FSTL4: variants seen among roughly 807,000 people sequenced by gnomAD.
FSTL4 encodes follistatin-related protein 4.
In FSTL4, 28 loss-of-function variants were observed where a neutral mutation model predicts 78.2. The observed-to-expected ratio is 0.36, with a 90% confidence interval of 0.27 to 0.49. The LOEUF (loss-of-function observed/expected upper bound fraction) is 0.49. Among genes scored for constraint, FSTL4 ranks in the 20% least tolerant of loss-of-function variants. The probability of loss-of-function intolerance (pLI) is 0.98; values close to 1 mark genes in which losing one functional copy is unlikely to be tolerated. For synonymous variants in FSTL4, 422 were observed against 440.5 expected (o/e 0.96, Z 0.53); for missense variants, 922 against 1,084.9 (o/e 0.85, Z 2.11).
chr5:133,840,070 C>T, the FSTL4 span, among the ~76,000 whole-genome samples: 1 of 152,206 alleles, frequency 6.6e-6, no homozygotes, highest in Non-Finnish European at 1.5e-5. Context: ...AGGGACAAAA[C>T]CTTCCTTCTA....
chr5:133,421,048 C>T (rs528616657), intron 3 of FSTL4, among the ~76,000 whole-genome samples: 55 of 152,320 alleles, frequency 3.6e-4, no homozygotes, highest in African/African-American at 1.3e-3. Context: ...ACCCCTGCTG[C>T]TGCCTTCAAC....
intron 6 of FSTL4, among the ~76,000 whole-genome samples, chr5:133,295,359 A>T (rs556609871): frequency 1.3e-5 from 2 of 152,128 alleles, no homozygotes; most frequent in South Asian, 4.1e-4. Context: ...CTACTCAAAG[A>T]AGTCATCTGG....
rs922050355 is a variant in FSTL4 at position 133,582,740 on chromosome 5, C to T, written c.127-15521G>A. 2.6e-5 allele frequency among the ~76,000 whole-genome samples: 4 copies of T among 152,208 alleles called. No homozygotes were observed. In the South Asian group the frequency reaches 8.3e-4, roughly 32 times the overall value. ...CTTTCTCTCAGCCTTTGGGGCTGCC[C>T]ATTGGCTCATTTGTTCCAACCCACT... is the stretch of plus-strand genomic sequence containing the variant. On this transcript the variant is annotated intron_variant, in intron 2 of 15. Transcript: ENST00000265342.
chr5:133,659,297 C>T, the FSTL4 span, among the ~76,000 whole-genome samples: 5 of 152,034 alleles, frequency 3.3e-5, no homozygotes, highest in Non-Finnish European at 5.9e-5. Flanking sequence ...TGTACATATT[C>T]GTTATCATTC....
the FSTL4 span, among the ~76,000 whole-genome samples, chr5:133,683,041 C>A: frequency 6.6e-6 from 1 of 152,178 alleles, no homozygotes; most frequent in Admixed American, 6.5e-5. Flanking sequence ...GTGGTTGAAG[C>A]CTTTGCACAT....
At chr5:133,570,262 T>C (rs1303164831) in intron 2 of FSTL4, among the ~76,000 whole-genome samples, 1 of 152,104 alleles carries the variant, frequency 6.6e-6, no homozygotes, top group Admixed American at 6.6e-5. Flanking sequence ...GTAATGAATT[T>C]GGAAGTTTTC....
At chr5:133,482,858 G>A (rs904665437) in intron 3 of FSTL4, among the ~76,000 whole-genome samples, 8 of 151,694 alleles carry the variant, frequency 5.3e-5, no homozygotes, top group African/African-American at 1.9e-4. Flanking sequence ...TGACTCCTGG[G>A]CCCCTTGCTG....
the FSTL4 span, among the ~76,000 whole-genome samples, chr5:133,791,278 G>GCACACA: frequency 0.013 from 1,871 of 148,806 alleles, 29 homozygotes; most frequent in African/African-American, 0.04. Flanking sequence ...ACATGTGCGT[G>GCACACA]CACACACACA....
chr5:133,565,756 C>G (rs1190730377), intron 3 of FSTL4, among the ~76,000 whole-genome samples: 1 of 152,116 alleles, frequency 6.6e-6, no homozygotes, highest in Non-Finnish European at 1.5e-5. Flanking sequence ...ATAACCCCAG[C>G]CTTATTAGAG....
At chr5:133,542,796 GAT>G (rs1177393025) in intron 3 of FSTL4, among the ~76,000 whole-genome samples, 2 of 151,810 alleles carry the variant, frequency 1.3e-5, no homozygotes, top group East Asian at 3.9e-4. Context: ...TTTCATTTCT[GAT>G]ATGTGTATTT....
At chr5:133,375,023 C>T (rs1755396041) in intron 4 of FSTL4, among the ~76,000 whole-genome samples, 1 of 151,886 alleles carries the variant, frequency 6.6e-6, no homozygotes, top group African/African-American at 2.4e-5. Context: ...TGGATGGAAC[C>T]TTGAGAGGCA....
chr5:133,377,888 C>G (rs1027057468), intron 4 of FSTL4, among the ~76,000 whole-genome samples: 7 of 151,694 alleles, frequency 4.6e-5, no homozygotes, highest in Admixed American at 4.6e-4. Flanking sequence ...AATTTGAAAG[C>G]AGCAACAATT....
At chr5:133,653,480 C>A in the FSTL4 span, among the ~76,000 whole-genome samples, 1 of 152,174 alleles carries the variant, frequency 6.6e-6, no homozygotes, top group Admixed American at 6.6e-5. Context: ...CCTCCCTGCT[C>A]CAACTCAGGC....
chr5:133,247,145 C>T (rs1211610039), intron 7 of FSTL4: 1 of 152,220 alleles, frequency 6.6e-6, no homozygotes, highest in Non-Finnish European at 1.5e-5. Flanking sequence ...CTGCCCTGCT[C>T]CCTCGTGTAG....
intron 3 of FSTL4, among the ~76,000 whole-genome samples, chr5:133,441,694 C>A (rs1757161917): frequency 6.6e-6 from 1 of 152,184 alleles, no homozygotes; most frequent in Non-Finnish European, 1.5e-5. Flanking sequence ...GACTAGAGAA[C>A]TCAGATTTCC....
Position 133,355,334 on chromosome 5 carries a change from C to G in FSTL4, c.410-38682G>C, listed in dbSNP as rs73263735. On this transcript the variant is annotated intron_variant, in intron 4 of 15. Transcript: ENST00000265342. ...TTGGGTTCAGAAGACACACTAAGCT[C>G]TAGCAGAAACTTAGGACTAGCATTA... is the stretch of plus-strand genomic sequence containing the variant. 3.1e-3 allele frequency among the ~76,000 whole-genome samples: 473 copies of G among 152,310 alleles called. 2 individuals are homozygous for G. Among genetic ancestry groups the G allele is most frequent in the African/African-American group, 1.0e-2 (415 of 41,562 alleles).
the FSTL4 span, among the ~76,000 whole-genome samples, chr5:133,788,368 G>A: frequency 6.6e-6 from 1 of 152,242 alleles, no homozygotes; most frequent in African/African-American, 2.4e-5. Context: ...CGGTTGCTAG[G>A]ATGACGGGAC....
rs1332018842 is a variant in FSTL4 at position 133,233,483 on chromosome 5, C to T, written c.949G>A (p.Gly317Ser). ...YITKVTTIHM[G>S]NYTCHASGHE... ...CCGGAAGCATGGCAGGTGTAATTGC[C>T]CATGTGGATGGTGGTCACCTTGGTG... Residue 317 changes from glycine (G) to serine (S), a missense_variant, in exon 8 of 16, where the codon GGC (glycine) becomes AGC (serine). Gly to Ser is a moderately conservative substitution (Grantham distance 56, BLOSUM62 0). Transcript: ENST00000265342. 6.2e-7 allele frequency: 1 copy of T among 1,614,166 alleles called. No individual in the cohort carries two copies. Among genetic ancestry groups the T allele is most frequent in the Non-Finnish European group, 8.5e-7 (1 of 1,179,994 alleles).
In FSTL4 at chr5:133,233,029, C is replaced by T. The variant is rs143305584; in HGVS notation, c.1015+388G>A. On this transcript the variant is annotated intron_variant, in intron 8 of 15. Coordinates refer to ENST00000265342, the MANE Select transcript of FSTL4 (RefSeq NM_015082.2). ...GAACAAGTGATATGGTTCCATACCA[C>T]CTGGAAGGAGTGGTGGATTTCAGTT... Among the ~76,000 whole-genome samples, 388 of 152,344 alleles carry T rather than the reference C, an allele frequency of 2.5e-3. 4 individuals carry two copies. Among genetic ancestry groups the T allele is most frequent in the Non-Finnish European group, 2.7e-3 (187 of 68,026 alleles).
Sources: allele counts gnomAD v4.1 joint callset (sites outside exome capture counted in the v4.1 genomes callset), GRCh38; gene constraint gnomAD v4.1.1; transcripts MANE v1.5; gene names NCBI Gene and HGNC (gene_info 2026-07-23, HGNC 2026-07-21).